The following ENPP1 variants were observed in gnomAD, a reference collection of about 807,000 sequenced individuals.
The protein encoded by ENPP1 is ectonucleotide pyrophosphatase/phosphodiesterase 1.
Under a neutral mutation model 122.8 loss-of-function variants are expected in ENPP1, and 73 were observed. That is an observed-to-expected ratio of 0.59 (90% CI 0.49 to 0.72). The LOEUF is 0.72. Among genes scored for constraint, ENPP1 ranks in the 30% least tolerant of loss-of-function variants. The pLI is 0.00. For synonymous variants in ENPP1, 367 were observed against 391.6 expected (o/e 0.94, Z 0.74); for missense variants, 978 against 1,128.1 (o/e 0.87, Z 1.91).
chr6:131,864,018 G>A (rs566841174), intron 9 of ENPP1, among the ~76,000 whole-genome samples: 24 of 152,218 alleles, frequency 1.6e-4, no homozygotes, highest in African/African-American at 5.8e-4. Context: ...ACAACTAATT[G>A]TACTTGGGGT....
At chr6:131,847,194 ATAT>A (rs1157932297) in intron 1 of ENPP1, among the ~76,000 whole-genome samples, 1 of 152,146 alleles carries the variant, frequency 6.6e-6, no homozygotes, top group African/African-American at 2.4e-5. Context: ...GAGGCATATA[ATAT>A]TCCACATATT....
rs1782239716 is a variant in ENPP1 at position 131,877,127 on chromosome 6, C to T, written c.1859C>T (p.Pro620Leu). 1.2e-6 allele frequency: 2 copies of T among 1,613,800 alleles called. No individual in the cohort carries two copies. The highest frequency in any genetic ancestry group is 1.7e-6 in the Non-Finnish European group (2 of 1,179,970). The change falls in exon 18 of 25, where the codon CCC (proline) becomes CTC (leucine). Residue 620 changes from proline (P) to leucine (L), a missense_variant. Physicochemically the swap from Pro to Leu is moderately conservative, Grantham distance 98. Coordinates refer to ENST00000647893, the MANE Select transcript of ENPP1 (RefSeq NM_006208.3). ...GTACAGTGCCCCTTCACAAGAAACC[C>T]CAGAGATAACCTTGGCTGCTCATGT... is the stretch of plus-strand genomic sequence containing the variant. ...PLVQCPFTRN[P>L]RDNLGCSCNP...
chr6:131,812,555 A>G (rs1781367564), intron 1 of ENPP1, among the ~76,000 whole-genome samples: 1 of 152,228 alleles, frequency 6.6e-6, no homozygotes, highest in Non-Finnish European at 1.5e-5. Context: ...GGCCTTGACA[A>G]TAGTGAAGAG....
chr6:131,854,327 C>A (rs1781918076), intron 5 of ENPP1, among the ~76,000 whole-genome samples: 1 of 152,014 alleles, frequency 6.6e-6, no homozygotes, highest in Non-Finnish European at 1.5e-5. Flanking sequence ...GCAGAAGGAT[C>A]ATTTGAGCCC....
intron 19 of ENPP1, 123 bp downstream of exon 19, chr6:131,878,716 G>A: frequency 1.3e-6 from 1 of 751,466 alleles, no homozygotes; most frequent in East Asian, 2.6e-5. Flanking sequence ...GGGAGTTCTG[G>A]AGGACCACCT....
intron 1 of ENPP1, among the ~76,000 whole-genome samples, chr6:131,835,550 T>C (rs943997324): frequency 3.9e-5 from 6 of 152,206 alleles, no homozygotes; most frequent in African/African-American, 1.4e-4. Context: ...TTTATTTTTA[T>C]TTTTATTATT....
At chr6:131,826,777 A>G (rs1275692203) in intron 1 of ENPP1, 4 of 450,268 alleles carry the variant, frequency 8.9e-6, no homozygotes, top group Non-Finnish European at 1.7e-5. Context: ...GTCCTTGGAT[A>G]TTTTAAGTCC....
chr6:131,882,345 G>C lies in ENPP1; in HGVS notation c.2101G>C (p.Asp701His). The change falls in exon 21 of 25, where the codon GAC becomes CAC. Residue 701 changes from aspartate (D) to histidine (H), a missense_variant and splice_region_variant. By Grantham distance (81) the Asp-to-His change is moderately conservative. This residue lies in a region of ENPP1 where 644 missense variants were observed against 781.5 expected (regional missense o/e 0.82). Coordinates refer to ENST00000647893, the MANE Select transcript of ENPP1 (RefSeq NM_006208.3). Reference sequence around the variant, plus strand: ...AGTTCTTCTCATTTTCGTTCTTCAGGACAGTTTCTCTACGGAAGACTTCTC... The same window carrying C: ...AGTTCTTCTCATTTTCGTTCTTCAGCACAGTTTCTCTACGGAAGACTTCTC... ...LWTSYTVDRN[D>H]SFSTEDFSNC... 1.3e-6 allele frequency: 2 copies of C among 1,598,824 alleles called. No homozygotes were observed. The highest frequency in any genetic ancestry group is 2.7e-5 in the African/African-American group (2 of 74,208).
intron 18 of ENPP1, 122 bp downstream of exon 18, chr6:131,877,283 T>A: frequency 1.2e-5 from 11 of 947,274 alleles, no homozygotes; most frequent in Non-Finnish European, 8.3e-6. Context: ...GGTAAACATA[T>A]GTTTTAATTC....
At position 131,850,093 on chromosome 6, in the gene ENPP1, G is replaced by A. The variant is rs749954752; in HGVS notation, c.417G>A (p.Thr139=). ...ACTGCTGTTTAGATTACCAGGAGAC[G>A]TGCATAGAACCAGGTAAGGATGAGC... ...LGNCCLDYQE[T]CIEPEHIWTC... Residue 139 remains threonine, a synonymous_variant, in exon 3 of 25, where the codon ACG becomes ACA. Coordinates refer to ENST00000647893, the MANE Select transcript of ENPP1 (RefSeq NM_006208.3). 3.0e-5 allele frequency: 49 copies of A among 1,606,862 alleles called. No individual in the cohort carries two copies. In the Middle Eastern group the frequency reaches 4.9e-4, roughly 16 times the overall value.
chr6:131,820,118 G>T, intron 1 of ENPP1: 1 of 434,024 alleles, frequency 2.3e-6, no homozygotes, highest in South Asian at 2.2e-5. Flanking sequence ...GCTTCGGAGC[G>T]ACTGGTCATA....
intron 1 of ENPP1, among the ~76,000 whole-genome samples, chr6:131,838,636 G>A (rs934074114): frequency 2.7e-5 from 4 of 148,230 alleles, no homozygotes; most frequent in Admixed American, 6.7e-5. Flanking sequence ...AGATATGGAA[G>A]GAAAGAAAAA....
chr6:131,823,364 A>T (rs112228489), intron 1 of ENPP1, among the ~76,000 whole-genome samples: 90 of 152,228 alleles, frequency 5.9e-4, no homozygotes, highest in African/African-American at 2.0e-3. Flanking sequence ...ATGCAATATT[A>T]TGTGCATACT....
chr6:131,875,349 A>T (rs1425009473), intron 16 of ENPP1, among the ~76,000 whole-genome samples: 14 of 152,210 alleles, frequency 9.2e-5, no homozygotes, highest in African/African-American at 4.8e-5. Flanking sequence ...AACCAGTGCT[A>T]TAATAGATAA....
At chr6:131,875,656 A>G in intron 16 of ENPP1, 120 bp from the exon 17 acceptor site, 2 of 765,702 alleles carry the variant, frequency 2.6e-6, no homozygotes, top group South Asian at 2.9e-5. Context: ...TGAGCGTGGT[A>G]GTTTTCCTCT....
In ENPP1 at chr6:131,891,209, T is replaced by TA. The variant is rs113083049; in HGVS notation, c.*698_*699insA. On this transcript the variant is annotated 3_prime_UTR_variant, in exon 25 of 25. Transcript: ENST00000647893. ...ATAAAATCTTACTTTGTATTTGTAT[T>TA]TAAAAAAGAAAAATATTCCTATCCT... 17,741 of 152,146 alleles carry TA rather than the reference T, an allele frequency of 0.12. 1,947 individuals are homozygous for TA. The highest frequency in any genetic ancestry group is 0.3 in the African/African-American group (12,244 of 41,382). 9.4% of individuals were successfully genotyped at this position (152,146 alleles called of 1,614,324 possible).
intron 1 of ENPP1, among the ~76,000 whole-genome samples, chr6:131,843,726 T>C (rs1184909787): frequency 6.6e-6 from 1 of 151,916 alleles, no homozygotes; most frequent in Non-Finnish European, 1.5e-5. Flanking sequence ...AAGTTTGTTA[T>C]ATTCCATGAT....
chr6:131,833,412 C>T (rs928814390), intron 1 of ENPP1, among the ~76,000 whole-genome samples: 43 of 151,760 alleles, frequency 2.8e-4, no homozygotes, highest in African/African-American at 1.0e-3. Flanking sequence ...TTTTTATACC[C>T]TATTATCTAT....
chr6:131,854,069 TTAAG>T (rs1781914683), intron 5 of ENPP1, among the ~76,000 whole-genome samples: 1 of 152,170 alleles, frequency 6.6e-6, no homozygotes, highest in Non-Finnish European at 1.5e-5. Flanking sequence ...AACTTTTGTA[TTAAG>T]TATTTATATC....
Sources: gnomAD v4.1 joint callset for allele counts (sites outside exome capture counted in the v4.1 genomes callset) on GRCh38, gnomAD v4.1.1 for gene constraint, gnomAD v4.1.1 regional missense constraint, MANE v1.5 for transcripts, NCBI Gene and HGNC (gene_info 2026-07-23, HGNC 2026-07-21) for gene names.